The following KCNV1 variants were observed in gnomAD, a reference collection of about 807,000 sequenced individuals.
KCNV1 encodes the protein potassium voltage-gated channel subfamily V member 1.
In KCNV1, 2 loss-of-function variants were observed where a neutral mutation model predicts 36.4. That is an observed-to-expected ratio of 0.05 (90% confidence interval 0.02 to 0.17). The LOEUF (loss-of-function observed/expected upper bound fraction) is 0.17. KCNV1 is among the 10% of genes least tolerant of loss of function. KCNV1 has a pLI of 1.00. For synonymous variants in KCNV1, 280 were observed against 261.1 expected (o/e 1.07, Z -0.70); for missense variants, 321 against 643.6 (o/e 0.50, Z 5.42).
In KCNV1 at chr8:109,966,622, C is replaced by T. The variant is rs987594917; in HGVS notation, c.*1466G>A. Reference sequence around the variant, plus strand: ...GCATTTTACAGTTAATGGCATCTTACAATTGACTGGCATCTTTCTTTCTTG... The same window carrying T: ...GCATTTTACAGTTAATGGCATCTTATAATTGACTGGCATCTTTCTTTCTTG... On this transcript the variant is annotated 3_prime_UTR_variant, in exon 4 of 4. Transcript: ENST00000524391. 6.6e-6 allele frequency: 1 copy of T among 152,136 alleles called. No homozygotes were observed. The highest frequency in any genetic ancestry group is 1.5e-5 in the Non-Finnish European group (1 of 67,990). 9.4% of individuals were successfully genotyped at this position (152,136 alleles called of 1,614,324 possible).
chr8:109,972,323 C>T lies in KCNV1; in HGVS notation c.926G>A (p.Arg309His). 1 of 1,613,870 alleles carries T rather than the reference C, an allele frequency of 6.2e-7. No individual in the cohort carries two copies. Among genetic ancestry groups the T allele is most frequent in the Non-Finnish European group, 8.5e-7 (1 of 1,179,848 alleles). Residue 309 changes from arginine (R) to histidine (H), a missense_variant, in exon 3 of 4, where the codon CGC becomes CAC. Arg to His is a conservative substitution (Grantham distance 29, BLOSUM62 0). Coordinates refer to ENST00000524391, the MANE Select transcript of KCNV1 (RefSeq NM_014379.4). The surrounding 1 kb of genome is among the most constrained non-coding windows in gnomAD (Gnocchi z 5.2). Reference sequence around the variant, plus strand: ...GAGCAGCCTCAACACCTGGACAATGCGCCCCACGTTCTCCAGCTCCTGCGT... The same window carrying T: ...GAGCAGCCTCAACACCTGGACAATGTGCCCCACGTTCTCCAGCTCCTGCGT... The part of the protein sequence containing the change: ...QTTQELENVG[R>H]IVQVLRLLRA...
rs897662679 is a variant in KCNV1, at chr8:109,965,516, C to T, written c.*2572G>A. 4.6e-5 allele frequency: 7 copies of T among 151,982 alleles called. No homozygotes were observed. The highest frequency in any genetic ancestry group is 1.7e-4 in the African/African-American group (7 of 41,394). 9.4% of individuals were successfully genotyped at this position (151,982 alleles called of 1,614,324 possible). On this transcript the variant is annotated 3_prime_UTR_variant, in exon 4 of 4. Coordinates refer to ENST00000524391, the MANE Select transcript of KCNV1 (RefSeq NM_014379.4). ...ATATTTTAAAACTTCTTTCTGAAGA[C>T]CTACATCTTGACAACATTTATATAG...
Position 109,966,419 on chromosome 8 carries a change from G to A in KCNV1, c.*1669C>T, listed in dbSNP as rs569255061. On this transcript the variant is annotated 3_prime_UTR_variant, in exon 4 of 4. Transcript: ENST00000524391. ...CCTGAACCTTTTATAATATTTAGGA[G>A]AAGTGGAAACAAGTTAAATGAATTA... The A allele has an allele frequency of 1.9e-4, 29 of 152,274 alleles. No homozygotes were observed. Among genetic ancestry groups the A allele is most frequent in the African/African-American group, 7.0e-4 (29 of 41,554 alleles). 9.4% of individuals were successfully genotyped at this position (152,274 alleles called of 1,614,324 possible).
Position 109,972,487 on chromosome 8 carries a change from G to T in KCNV1, c.762C>A (p.Thr254=), listed in dbSNP as rs754791356. The T allele has an allele frequency of 6.2e-7, 1 of 1,614,166 alleles. No homozygotes were observed. Among genetic ancestry groups the T allele is most frequent in the Non-Finnish European group, 8.5e-7 (1 of 1,180,028 alleles). ...ACAGGAAGCGGAGGACAAACTCCCC[G>T]GTGAACCAGCTAATGCACACATACT... ...ILEYVCISWF[T]GEFVLRFLCV... is the part of the protein sequence containing the mutation. The change falls in exon 3 of 4, where the codon ACC becomes ACA. Residue 254 remains threonine (T), a synonymous_variant. Coordinates refer to ENST00000524391, the MANE Select transcript of KCNV1 (RefSeq NM_014379.4). The surrounding 1 kb of genome is among the most constrained non-coding windows in gnomAD (Gnocchi z 5.2).
rs765741797 is a variant in KCNV1, at chr8:109,972,609, C to T, written c.640G>A (p.Val214Ile). ...ACCACCACGAAGATAATGGAGATGA[C>T]GCCAAAGATACGGGCAGCTGTGGAA... ...GSSTAARIFG[V>I]ISIIFVVVSI... Residue 214 changes from valine to isoleucine, a missense_variant, in exon 3 of 4, where the codon GTC (valine) becomes ATC (isoleucine). Physicochemically the swap from Val to Ile is conservative, Grantham distance 29. Coordinates refer to ENST00000524391, the MANE Select transcript of KCNV1 (RefSeq NM_014379.4). The surrounding 1 kb of genome is among the most constrained non-coding windows in gnomAD (Gnocchi z 5.2). 22 of 1,614,024 alleles carry T rather than the reference C, an allele frequency of 1.4e-5. No individual in the cohort carries two copies. Among genetic ancestry groups the T allele is most frequent in the South Asian group, 5.5e-5 (5 of 91,080 alleles).
At chr8:109,971,909 A>C (rs1418557511) in intron 3 of KCNV1, among the ~76,000 whole-genome samples, 1 of 152,092 alleles carries the variant, frequency 6.6e-6, no homozygotes, top group African/African-American at 2.4e-5. Context: ...GTATCTTTTT[A>C]TGTGTCATTT....
Position 109,966,498 on chromosome 8 carries a change from A to G in KCNV1, c.*1590T>C, listed in dbSNP as rs959562693. ...ATGCCATCAGTGAAAATGTTTTCAG[A>G]GCTTAACCATGCATACCAGAAAACA... On this transcript the variant is annotated 3_prime_UTR_variant, in exon 4 of 4. Coordinates refer to ENST00000524391, the MANE Select transcript of KCNV1 (RefSeq NM_014379.4). 1 of 152,218 alleles carries G rather than the reference A, an allele frequency of 6.6e-6. No homozygotes were observed. Among genetic ancestry groups the G allele is most frequent in the African/African-American group, 2.4e-5 (1 of 41,466 alleles). The allele number at this position is 152,218 out of a possible 1,614,324, so 9.4% of individuals were successfully genotyped here.
Position 109,967,251 on chromosome 8 carries a change from G to A in KCNV1, c.*837C>T, listed in dbSNP as rs577182451. The A allele has an allele frequency of 6.6e-6, 1 of 152,106 alleles. No individual in the cohort carries two copies. Among genetic ancestry groups the A allele is most frequent in the Non-Finnish European group, 1.5e-5 (1 of 68,010 alleles). The allele number at this position is 152,106 out of a possible 1,614,324, so 9.4% of individuals were successfully genotyped here. On this transcript the variant is annotated 3_prime_UTR_variant, in exon 4 of 4. Transcript: ENST00000524391. ...TAATTCCAGTGTAGAAATTTAGGAT[G>A]TTCACTACCTCACTTTTACATATTC... is the stretch of plus-strand genomic sequence containing the variant.
In KCNV1 at chr8:109,968,227, G is replaced by A; in HGVS notation, c.1364C>T (p.Thr455Ile). ...VRQREALKKL[T>I]KNIATDSYIS... Reference sequence around the variant, plus strand: ...ATATGAGTCAGTGGCTATATTCTTGGTAAGCTTCTTTAGGGCTTCACGCTG... The same window carrying A: ...ATATGAGTCAGTGGCTATATTCTTGATAAGCTTCTTTAGGGCTTCACGCTG... Residue 455 changes from threonine (T) to isoleucine (I), a missense_variant, in exon 4 of 4, where the codon ACC becomes ATC. By Grantham distance (89) the Thr-to-Ile change is moderately conservative. This residue lies in a region of KCNV1 where 45 missense variants were observed against 76.8 expected (regional missense o/e 0.59). Coordinates refer to ENST00000524391, the MANE Select transcript of KCNV1 (RefSeq NM_014379.4). The surrounding 1 kb of genome is among the most constrained non-coding windows in gnomAD (Gnocchi z 5.3). 6.2e-7 allele frequency: 1 copy of A among 1,614,094 alleles called. No individual in the cohort carries two copies. The highest frequency in any genetic ancestry group is 8.5e-7 in the Non-Finnish European group (1 of 1,180,032).
chr8:109,971,476 C>T (rs1820010120), intron 3 of KCNV1, among the ~76,000 whole-genome samples: 1 of 152,006 alleles, frequency 6.6e-6, no homozygotes, highest in South Asian at 2.1e-4. Context: ...TAATCAGTTC[C>T]TGTGATTTTC....
rs900328853 is a variant in KCNV1, at chr8:109,974,485, G to A, written c.-97C>T. On this transcript the variant is annotated 5_prime_UTR_variant, in exon 2 of 4. Coordinates refer to ENST00000524391, the MANE Select transcript of KCNV1 (RefSeq NM_014379.4). This position sits in a 1 kb window ranked among gnomAD's most constrained non-coding sequence, Gnocchi z 6.2. ...GGCGGTGGCACGGCCCCTGGTGGCG[G>A]CCGGGATTCCCCGGGCTCCCGAAGG... is the stretch of plus-strand genomic sequence containing the variant. The A allele has an allele frequency of 1.1e-6, 1 of 890,388 alleles. No homozygotes were observed. 55.2% of individuals were successfully genotyped at this position (890,388 alleles called of 1,614,324 possible). A position where few individuals can be genotyped will look rare whatever the true frequency, so the allele number is the denominator to read the frequency against.
rs1819956320 is a variant in KCNV1 at position 109,967,430 on chromosome 8, G to A, written c.*658C>T. The A allele has an allele frequency of 6.6e-6, 1 of 152,248 alleles. No homozygotes were observed. Among genetic ancestry groups the A allele is most frequent in the South Asian group, 2.1e-4 (1 of 4,832 alleles). The allele number at this position is 152,248 out of a possible 1,614,324, so 9.4% of individuals were successfully genotyped here. A position where few individuals can be genotyped will look rare whatever the true frequency, so the allele number is the denominator to read the frequency against. ...GATGTGCAATTGTTGAAGTCTTTGT[G>A]TAGACTCATGTACTGCAATCTAAGC... On this transcript the variant is annotated 3_prime_UTR_variant, in exon 4 of 4. Coordinates refer to ENST00000524391, the MANE Select transcript of KCNV1 (RefSeq NM_014379.4).
At position 109,967,392 on chromosome 8, in the gene KCNV1, T is replaced by C. The variant is rs1819955900; in HGVS notation, c.*696A>G. 6.6e-6 allele frequency: 1 copy of C among 152,204 alleles called. No homozygotes were observed. The highest frequency in any genetic ancestry group is 2.1e-4 in the South Asian group (1 of 4,832). The allele number at this position is 152,204 out of a possible 1,614,324, so 9.4% of individuals were successfully genotyped here. On this transcript the variant is annotated 3_prime_UTR_variant, in exon 4 of 4. Transcript: ENST00000524391. ...TTTATGCTCCACATACTACACTCAG[T>C]TGGGAGAATGAAGATGTGCAATTGT... is the stretch of plus-strand genomic sequence containing the variant.
In KCNV1 at chr8:109,973,924, G is replaced by A. The variant is rs777714369; in HGVS notation, c.461+4C>T. 9 of 1,589,750 alleles carry A rather than the reference G, an allele frequency of 5.7e-6. No individual in the cohort carries two copies. The highest frequency in any genetic ancestry group is 5.4e-5 in the African/African-American group (4 of 74,290). ...CGCCCAGCCGCCGCGTGCCTCCGGG[G>A]TACCTGTCCCTGCAGCAGGAATCGA... On this transcript the variant is annotated splice_donor_region_variant and intron_variant, in intron 2 of 3. Coordinates refer to ENST00000524391, the MANE Select transcript of KCNV1 (RefSeq NM_014379.4).
chr8:109,963,968 G>T lies in KCNV1; in HGVS notation c.*4120C>A, dbSNP rs758976583. 1 of 152,062 alleles carries T rather than the reference G, an allele frequency of 6.6e-6. No individual in the cohort carries two copies. Among genetic ancestry groups the T allele is most frequent in the Admixed American group, 6.6e-5 (1 of 15,258 alleles). 9.4% of individuals were successfully genotyped at this position (152,062 alleles called of 1,614,324 possible). A position where few individuals can be genotyped will look rare whatever the true frequency, so the allele number is the denominator to read the frequency against. On this transcript the variant is annotated 3_prime_UTR_variant, in exon 4 of 4. Coordinates refer to ENST00000524391, the MANE Select transcript of KCNV1 (RefSeq NM_014379.4). ...AAGATTTCATGATGAAGACACAAAAGGTGGTTGCAACGAAAGCAAAAATTG... is the reference window on the plus strand; with the variant it reads ...AAGATTTCATGATGAAGACACAAAATGTGGTTGCAACGAAAGCAAAAATTG...
chr8:109,973,105 G>T (rs1286976144), intron 2 of KCNV1, among the ~76,000 whole-genome samples: 1 of 151,546 alleles, frequency 6.6e-6, no homozygotes, highest in Non-Finnish European at 1.5e-5. Context: ...AGCCTCCTGA[G>T]TAGCTGGGAT....
In KCNV1 at chr8:109,965,408, A is replaced by T. The variant is rs1282200302; in HGVS notation, c.*2680T>A. ...GTTCCTGCCTTGATTTTTTTACCTA[A>T]ATGAAATTTGGTTTGCTTATATATA... On this transcript the variant is annotated 3_prime_UTR_variant, in exon 4 of 4. Transcript: ENST00000524391. 1 of 152,176 alleles carries T rather than the reference A, an allele frequency of 6.6e-6. No individual in the cohort carries two copies. The highest frequency in any genetic ancestry group is 1.9e-4 in the East Asian group (1 of 5,200). 9.4% of individuals were successfully genotyped at this position (152,176 alleles called of 1,614,324 possible). A position where few individuals can be genotyped will look rare whatever the true frequency, so the allele number is the denominator to read the frequency against.
rs1195507588 is a variant in KCNV1, at chr8:109,966,856, A to G, written c.*1232T>C. On this transcript the variant is annotated 3_prime_UTR_variant, in exon 4 of 4. Transcript: ENST00000524391. ...TTATCTGTGTTTTGTAAATGAAGTG[A>G]TAAGATTTTTTTTTCCTCAAGAACC... 1 of 152,154 alleles carries G rather than the reference A, an allele frequency of 6.6e-6. No homozygotes were observed. Among genetic ancestry groups the G allele is most frequent in the Non-Finnish European group, 1.5e-5 (1 of 68,000 alleles). The allele number at this position is 152,154 out of a possible 1,614,324, so 9.4% of individuals were successfully genotyped here. A position where few individuals can be genotyped will look rare whatever the true frequency, so the allele number is the denominator to read the frequency against.
Position 109,968,240 on chromosome 8 carries a change from G to A in KCNV1, c.1351C>T (p.Leu451=). 2 of 1,614,128 alleles carry A rather than the reference G, an allele frequency of 1.2e-6. No individual in the cohort carries two copies. Among genetic ancestry groups the A allele is most frequent in the Non-Finnish European group, 1.7e-6 (2 of 1,180,036 alleles). Residue 451 remains leucine (L), a synonymous_variant, in exon 4 of 4, where the codon CTA becomes TTA. Transcript: ENST00000524391. This position sits in a 1 kb window ranked among gnomAD's most constrained non-coding sequence, Gnocchi z 5.3. Reference sequence around the variant, plus strand: ...GCTATATTCTTGGTAAGCTTCTTTAGGGCTTCACGCTGTCTAACAGCTGCT... The same window carrying A: ...GCTATATTCTTGGTAAGCTTCTTTAAGGCTTCACGCTGTCTAACAGCTGCT... The part of the protein sequence containing the change: ...KEAAVRQREA[L]KKLTKNIATD...
Sources: gnomAD v4.1 joint callset for allele counts (sites outside exome capture counted in the v4.1 genomes callset) on GRCh38, gnomAD v4.1.1 for gene constraint, gnomAD v4.1.1 regional missense constraint, Gnocchi (gnomAD v3.1) non-coding constraint, MANE v1.5 for transcripts, NCBI Gene and HGNC (gene_info 2026-07-23, HGNC 2026-07-21) for gene names.